DPH6: variants seen among roughly 807,000 people sequenced by gnomAD.
The protein encoded by DPH6 is diphthamine biosynthesis 6.
In DPH6, 33 loss-of-function variants were observed where a neutral mutation model predicts 38.2. The observed-to-expected ratio is 0.86, with a 90% CI of 0.65 to 1.15. The LOEUF is 1.15. DPH6 is among the 50% of genes most tolerant of loss of function. DPH6 has a pLI of 0.00. For synonymous variants in DPH6, 108 were observed against 103.0 expected (o/e 1.05, Z -0.30); for missense variants, 325 against 320.0 (o/e 1.02, Z -0.12).
chr15:35,167,292 T>C, the DPH6 span, among the ~76,000 whole-genome samples: 1 of 152,010 alleles, frequency 6.6e-6, no homozygotes, highest in Non-Finnish European at 1.5e-5. Context: ...AAAAACACTT[T>C]CACATAGATT....
intron 3 of DPH6, among the ~76,000 whole-genome samples, chr15:35,289,367 T>G (rs1344664833): frequency 6.6e-6 from 1 of 152,200 alleles, no homozygotes; most frequent in Admixed American, 6.5e-5. Flanking sequence ...CATGGAGCAA[T>G]TTGTAGCAAT....
chr15:35,397,387 C>T (rs114998284), intron 6 of DPH6, among the ~76,000 whole-genome samples: 3,723 of 152,278 alleles, frequency 0.024, 68 homozygotes, highest in African/African-American at 0.052. Flanking sequence ...CATAAGAAAT[C>T]TCAAAGAATA....
At chr15:35,462,600 A>G (rs1262078666) in intron 3 of DPH6, among the ~76,000 whole-genome samples, 1 of 152,200 alleles carries the variant, frequency 6.6e-6, no homozygotes, top group Non-Finnish European at 1.5e-5. Flanking sequence ...CACTTCTTCC[A>G]GGTCTCTGTG....
intron 5 of DPH6, 47 bp downstream of exon 5, chr15:35,450,638 T>C (rs377536835): frequency 1.4e-6 from 2 of 1,431,522 alleles, no homozygotes; most frequent in Admixed American, 3.4e-5. Flanking sequence ...TGAACTGAGA[T>C]CATCTATGTG....
chr15:35,435,317 C>A (rs538403174), intron 5 of DPH6, among the ~76,000 whole-genome samples: 1 of 151,952 alleles, frequency 6.6e-6, no homozygotes. Flanking sequence ...ATAGCCTACA[C>A]GTGACAATTA....
chr15:35,274,976 G>A (rs143662445), intron 3 of DPH6, among the ~76,000 whole-genome samples: 9 of 151,844 alleles, frequency 5.9e-5, no homozygotes, highest in African/African-American at 1.7e-4. Flanking sequence ...GTGCAGTGGC[G>A]CAATCTCGGC....
chr15:35,249,889 C>T (rs765431615), intron 3 of DPH6, among the ~76,000 whole-genome samples: 8 of 152,028 alleles, frequency 5.3e-5, no homozygotes, highest in South Asian at 4.1e-4. Context: ...TACGGCCGGG[C>T]GCGGTGGCTC....
At chr15:35,318,144 A>G (rs2052209698) in intron 3 of DPH6, among the ~76,000 whole-genome samples, 1 of 152,134 alleles carries the variant, frequency 6.6e-6, no homozygotes, top group Non-Finnish European at 1.5e-5. Context: ...TGTTGCTTAA[A>G]AGGCATATCC....
intron 3 of DPH6, among the ~76,000 whole-genome samples, chr15:35,267,247 T>C (rs1016226674): frequency 2.0e-5 from 3 of 152,158 alleles, no homozygotes; most frequent in African/African-American, 4.8e-5. Flanking sequence ...GCTGATCAGA[T>C]TGGGTGAGAT....
intron 3 of DPH6, among the ~76,000 whole-genome samples, chr15:35,225,507 G>A (rs2051474469): frequency 6.6e-6 from 1 of 152,056 alleles, no homozygotes; most frequent in Admixed American, 6.5e-5. Context: ...TATAGCTTTG[G>A]CCATTGGAGA....
intron 6 of DPH6, among the ~76,000 whole-genome samples, chr15:35,398,962 G>GT (rs2053183061): frequency 6.6e-6 from 1 of 152,062 alleles, no homozygotes; most frequent in Non-Finnish European, 1.5e-5. Flanking sequence ...AAAATAAATA[G>GT]TTTATTTTTT....
At chr15:35,294,255 A>G (rs571567960) in intron 3 of DPH6, among the ~76,000 whole-genome samples, 4 of 152,198 alleles carry the variant, frequency 2.6e-5, no homozygotes, top group Admixed American at 1.3e-4. Context: ...TTGAAGAACT[A>G]TAACAATTGT....
intron 6 of DPH6, among the ~76,000 whole-genome samples, chr15:35,403,661 C>G (rs1448449895): frequency 6.6e-6 from 1 of 152,006 alleles, no homozygotes; most frequent in Non-Finnish European, 1.5e-5. Flanking sequence ...GCATGTGCCA[C>G]CATGCTTGGC....
intron 3 of DPH6, among the ~76,000 whole-genome samples, chr15:35,268,448 A>G (rs576853745): frequency 3.1e-4 from 47 of 151,820 alleles, no homozygotes; most frequent in Non-Finnish European, 6.2e-4. Context: ...TTCAATGCAG[A>G]GATGATGACA....
At chr15:35,414,779 T>C (rs2053415354) in intron 5 of DPH6, among the ~76,000 whole-genome samples, 1 of 151,812 alleles carries the variant, frequency 6.6e-6, no homozygotes, top group African/African-American at 2.4e-5. Context: ...GTGACTAGCA[T>C]TTATTCTGCC....
intron 3 of DPH6, among the ~76,000 whole-genome samples, chr15:35,269,233 AT>A (rs1446779133): frequency 1.3e-5 from 2 of 152,138 alleles, no homozygotes; most frequent in African/African-American, 4.8e-5. Flanking sequence ...TAAAATGTAT[AT>A]TCCTTTTTTT....
chr15:35,158,130 T>G, the DPH6 span, among the ~76,000 whole-genome samples: 1 of 152,114 alleles, frequency 6.6e-6, no homozygotes, highest in Non-Finnish European at 1.5e-5. Flanking sequence ...CCTTCCTGTC[T>G]TCCACGTTTC....
chr15:35,471,506 C>T (rs2054198147), intron 3 of DPH6, among the ~76,000 whole-genome samples: 1 of 152,164 alleles, frequency 6.6e-6, no homozygotes. Flanking sequence ...CCCTCCACAC[C>T]TCCCTACCTA....
At chr15:35,347,688 T>G (rs1595492300) in intron 3 of DPH6, among the ~76,000 whole-genome samples, 1 of 152,190 alleles carries the variant, frequency 6.6e-6, no homozygotes, top group South Asian at 2.1e-4. Flanking sequence ...TGTAATTTGT[T>G]GAGGAACCGC....
Sources: allele counts gnomAD v4.1 joint callset (sites outside exome capture counted in the v4.1 genomes callset), GRCh38; gene constraint gnomAD v4.1.1; transcripts MANE v1.5; gene names NCBI Gene and HGNC (gene_info 2026-07-23, HGNC 2026-07-21).